NDFIP1: variants seen among roughly 807,000 people sequenced by gnomAD.
NDFIP1 encodes Nedd4 family interacting protein 1.
NDFIP1 carries 7 observed loss-of-function variants against 28.8 expected under a neutral mutation model. That is an observed-to-expected ratio of 0.24 (90% confidence interval 0.14 to 0.46). NDFIP1 has a LOEUF of 0.46. NDFIP1 is among the 20% of genes least tolerant of loss of function. The probability of loss-of-function intolerance (pLI) is 0.99; values close to 1 mark genes in which losing one functional copy is unlikely to be tolerated. For missense variants in NDFIP1, 194 were observed against 269.1 expected (o/e 0.72, Z 1.95); for synonymous variants, 92 against 101.0 (o/e 0.91, Z 0.53).
intron 1 of NDFIP1, among the ~76,000 whole-genome samples, chr5:142,115,318 T>A (rs190835619): frequency 6.6e-6 from 1 of 152,292 alleles, no homozygotes; most frequent in African/African-American, 2.4e-5. Flanking sequence ...AGTGTCTTTC[T>A]TCTTGCTCAG....
intron 1 of NDFIP1, among the ~76,000 whole-genome samples, chr5:142,130,288 C>G (rs778704829): frequency 2.0e-5 from 3 of 152,148 alleles, no homozygotes; most frequent in African/African-American, 4.8e-5. Context: ...AGACTAGCAA[C>G]AGCAGACACT....
chr5:142,109,133 C>A, intron 1 of NDFIP1, 96 bp downstream of exon 1: 1 of 1,120,462 alleles, frequency 8.9e-7, no homozygotes, highest in Non-Finnish European at 1.1e-6. Flanking sequence ...GCGGCCAACT[C>A]GACGCCGGGG....
intron 1 of NDFIP1, among the ~76,000 whole-genome samples, chr5:142,128,084 C>T (rs931005674): frequency 6.6e-6 from 1 of 152,144 alleles, no homozygotes; most frequent in East Asian, 1.9e-4. Flanking sequence ...CCTACCCTTG[C>T]CCAACATCTC....
intron 1 of NDFIP1, among the ~76,000 whole-genome samples, chr5:142,123,602 C>G (rs535520024): frequency 2.7e-4 from 41 of 152,282 alleles, no homozygotes; most frequent in Admixed American, 4.6e-4. Flanking sequence ...TAGATGAAAT[C>G]TATATACGGG....
rs1356794364 is a variant in NDFIP1 at position 142,152,691 on chromosome 5, T to G, written c.*963T>G. On this transcript the variant is annotated 3_prime_UTR_variant, in exon 8 of 8. Coordinates refer to ENST00000253814, the MANE Select transcript of NDFIP1 (RefSeq NM_030571.4). ...GGGTTATAATGTAGAATGATGTGCT[T>G]TCTGCCCAAGTGGTAATTCATCTTG... 6.4e-6 allele frequency: 1 copy of G among 157,180 alleles called. No homozygotes were observed. The highest frequency in any genetic ancestry group is 2.4e-5 in the African/African-American group (1 of 41,476). The allele number at this position is 157,180 out of a possible 1,614,324, so 9.7% of individuals were successfully genotyped here. A position where few individuals can be genotyped will look rare whatever the true frequency, so the allele number is the denominator to read the frequency against.
rs1596787447 is a variant in NDFIP1 at position 142,128,124 on chromosome 5, T to C, written c.64-3684T>C. ...CACTGAGAGCAGAAGTTCCCAGATCTGTCCCAGTTTTCAGATCTGTCTCTC... is the reference window on the plus strand; with the variant it reads ...CACTGAGAGCAGAAGTTCCCAGATCCGTCCCAGTTTTCAGATCTGTCTCTC... On this transcript the variant is annotated intron_variant, in intron 1 of 7. Coordinates refer to ENST00000253814, the MANE Select transcript of NDFIP1 (RefSeq NM_030571.4). 2.0e-5 allele frequency among the ~76,000 whole-genome samples: 3 copies of C among 152,284 alleles called. No homozygotes were observed. The East Asian group carries it at 5.8e-4, about 29-fold the overall frequency.
chr5:142,140,700 T>A, intron 6 of NDFIP1, 71 bp downstream of exon 6: 1 of 1,212,790 alleles, frequency 8.2e-7, no homozygotes, highest in Non-Finnish European at 1.2e-6. Context: ...TTACTTGTAG[T>A]AAATGTTCAT....
At chr5:142,141,471 T>C (rs1401715485) in intron 6 of NDFIP1, among the ~76,000 whole-genome samples, 7 of 152,022 alleles carry the variant, frequency 4.6e-5, no homozygotes, top group Admixed American at 2.6e-4. Flanking sequence ...CCACCATGCC[T>C]GGCCTGGATT....
At chr5:142,118,730 G>A (rs558044471) in intron 1 of NDFIP1, among the ~76,000 whole-genome samples, 2 of 152,102 alleles carry the variant, frequency 1.3e-5, no homozygotes, top group Non-Finnish European at 2.9e-5. Context: ...TCCTGCATGG[G>A]GCATTTGTCT....
At chr5:142,143,164 A>T (rs1192100352) in intron 6 of NDFIP1, 1 of 151,888 alleles carries the variant, frequency 6.6e-6, no homozygotes, top group Non-Finnish European at 1.5e-5. Context: ...AGTTTTTTTA[A>T]ATTAGTTGCC....
At chr5:142,119,256 A>G (rs1174598726) in intron 1 of NDFIP1, among the ~76,000 whole-genome samples, 2 of 152,212 alleles carry the variant, frequency 1.3e-5, no homozygotes, top group Non-Finnish European at 2.9e-5. Context: ...CACTTCCACC[A>G]TCCATTTACA....
intron 5 of NDFIP1, among the ~76,000 whole-genome samples, chr5:142,140,176 C>T (rs1004221488): frequency 1.3e-5 from 2 of 152,020 alleles, no homozygotes; most frequent in African/African-American, 4.8e-5. Context: ...TTGCTGGTCA[C>T]GGTAGCTCAC....
intron 7 of NDFIP1, among the ~76,000 whole-genome samples, chr5:142,147,306 A>G (rs2126924046): frequency 6.6e-6 from 1 of 152,340 alleles, no homozygotes; most frequent in East Asian, 1.9e-4. Context: ...CTGAAAGGGT[A>G]AGAACTCTGT....
intron 1 of NDFIP1, among the ~76,000 whole-genome samples, chr5:142,129,599 A>G (rs1425772867): frequency 2.0e-5 from 3 of 152,292 alleles, no homozygotes; most frequent in East Asian, 1.9e-4. Flanking sequence ...TTTGAACAGC[A>G]TAGTGAGTGG....
intron 1 of NDFIP1, among the ~76,000 whole-genome samples, chr5:142,121,146 T>A (rs757602745): frequency 6.6e-6 from 1 of 152,224 alleles, no homozygotes; most frequent in Non-Finnish European, 1.5e-5. Context: ...TACTAATTGG[T>A]TGTTTTTAGA....
chr5:142,118,096 G>A (rs575787765), intron 1 of NDFIP1, among the ~76,000 whole-genome samples: 80 of 152,176 alleles, frequency 5.3e-4, no homozygotes, highest in African/African-American at 1.9e-3. Flanking sequence ...TATGCCCTAT[G>A]CCCAGCTTTC....
At position 142,122,890 on chromosome 5, in the gene NDFIP1, G is replaced by A. The variant is rs898061234; in HGVS notation, c.64-8918G>A. Among the ~76,000 whole-genome samples, 15 of 151,874 alleles carry A rather than the reference G, an allele frequency of 9.9e-5. 1 individual carries two copies. Among genetic ancestry groups the A allele is most frequent in the Admixed American group, 3.9e-4 (6 of 15,244 alleles). ...CATTGTCTGAAAAATATATCCTCCC[G>A]CTCTTTGGATTTTCTTTTCACTTTC... is the stretch of plus-strand genomic sequence containing the variant. On this transcript the variant is annotated intron_variant, in intron 1 of 7. Transcript: ENST00000253814.
At chr5:142,127,527 T>C (rs1460110092) in intron 1 of NDFIP1, among the ~76,000 whole-genome samples, 1 of 152,222 alleles carries the variant, frequency 6.6e-6, no homozygotes, top group Non-Finnish European at 1.5e-5. Context: ...AAAGGTCATC[T>C]GAATTCTCAG....
intron 6 of NDFIP1, chr5:142,142,931 AAAAAAAAAAATATATAT>A (rs1447980709): frequency 5.7e-4 from 45 of 78,354 alleles, no homozygotes; most frequent in African/African-American, 1.6e-3. Flanking sequence ...AAAAAAAAAA[AAAAAAAAAAATATATAT>A]ATATATATAT....
Sources: allele counts gnomAD v4.1 joint callset (sites outside exome capture counted in the v4.1 genomes callset), GRCh38; gene constraint gnomAD v4.1.1; transcripts MANE v1.5; gene names NCBI Gene and HGNC (gene_info 2026-07-23, HGNC 2026-07-21).